The following C12orf76 variants were observed in gnomAD, a reference collection of about 807,000 sequenced individuals.
The protein encoded by C12orf76 is uncharacterized protein C12orf76.
C12orf76 carries 6 observed loss-of-function variants against 6.8 expected under a neutral mutation model. That is an observed-to-expected ratio of 0.88 (90% CI 0.48 to 1.73). The LOEUF is 1.73. C12orf76 is among the 40% of genes most tolerant of loss of function. C12orf76 has a pLI of 0.01. For missense variants in C12orf76, 99 were observed against 98.2 expected, an observed-to-expected ratio of 1.01 and a Z score of -0.03; for synonymous variants, 56 against 43.7, an observed-to-expected ratio of 1.28 and a Z score of -1.11.
At chr12:110,059,838 A>T (rs1248214864) in intron 2 of C12orf76, among the ~76,000 whole-genome samples, 1 of 152,180 alleles carries the variant, frequency 6.6e-6, no homozygotes, top group East Asian at 1.9e-4. Context: ...CCATTTGAAG[A>T]GGGACACAAG....
chr12:110,064,766 A>T (rs1892831107), intron 2 of C12orf76, among the ~76,000 whole-genome samples: 1 of 151,992 alleles, frequency 6.6e-6, no homozygotes, highest in Non-Finnish European at 1.5e-5. Flanking sequence ...GCCTGTGAAG[A>T]AGCCAGACAA....
At chr12:110,046,512 T>C (rs1471338959) in intron 1 of C12orf76, among the ~76,000 whole-genome samples, 2 of 152,240 alleles carry the variant, frequency 1.3e-5, no homozygotes. Context: ...GTTTTTATAA[T>C]TTCTAGTCTG....
chr12:110,047,949 CA>C (rs1892492866), intron 1 of C12orf76, among the ~76,000 whole-genome samples: 1 of 152,132 alleles, frequency 6.6e-6, no homozygotes, highest in African/African-American at 2.4e-5. Context: ...GCAGTTCATT[CA>C]TGGGCAAGCA....
chr12:110,071,464 G>C (rs1892959034), upstream of C12orf76, among the ~76,000 whole-genome samples: 1 of 151,726 alleles, frequency 6.6e-6, no homozygotes, highest in African/African-American at 2.4e-5. Flanking sequence ...TCCAGTTATG[G>C]AGCTCTTATT....
chr12:110,057,287 C>G (rs780020326), exon 4 of C12orf76: 2 of 1,611,144 alleles, frequency 1.2e-6, no homozygotes, highest in East Asian at 4.5e-5. Flanking sequence ...TCCTCTCCCC[C>G]TTACAGCTCC....
At chr12:110,066,677 A>T (rs553696871) in intron 1 of C12orf76, among the ~76,000 whole-genome samples, 2 of 150,294 alleles carry the variant, frequency 1.3e-5, no homozygotes, top group African/African-American at 4.8e-5. Flanking sequence ...AACAAGAGCA[A>T]AACTCTGTCT....
exon 1 of C12orf76, chr12:110,073,475 G>A (rs1291935076): frequency 1.9e-6 from 1 of 523,528 alleles, no homozygotes; most frequent in South Asian, 1.4e-5. Context: ...CATAATTGAT[G>A]CTTTGGATCC....
chr12:110,046,891 G>T (rs985102639), intron 1 of C12orf76, among the ~76,000 whole-genome samples: 4 of 152,076 alleles, frequency 2.6e-5, no homozygotes, highest in Non-Finnish European at 5.9e-5. Context: ...ACTTCTTACA[G>T]TGTTTATCAT....
exon 4 of C12orf76, chr12:110,057,197 T>G: frequency 1.2e-6 from 2 of 1,609,594 alleles, no homozygotes; most frequent in Non-Finnish European, 1.7e-6. Flanking sequence ...ACCTTGGCAT[T>G]GCAGGTAGGA....
intron 3 of C12orf76, among the ~76,000 whole-genome samples, chr12:110,058,227 G>T (rs1892707204): frequency 6.6e-6 from 1 of 152,084 alleles, no homozygotes. Flanking sequence ...CAGGCTGCAG[G>T]CTGTTTTGTA....
upstream of C12orf76, among the ~76,000 whole-genome samples, chr12:110,069,722 G>C (rs1183941641): frequency 6.6e-6 from 1 of 150,626 alleles, no homozygotes; most frequent in Admixed American, 6.6e-5. Flanking sequence ...AGAGAATGAT[G>C]GAGGGAACCC....
chr12:110,051,788 A>G (rs1892580295), upstream of C12orf76, among the ~76,000 whole-genome samples: 1 of 151,906 alleles, frequency 6.6e-6, no homozygotes, highest in Non-Finnish European at 1.5e-5. Context: ...TTCTCAAGTC[A>G]TAAAGTCCCA....
intron 3 of C12orf76, among the ~76,000 whole-genome samples, chr12:110,057,498 G>A (rs919501715): frequency 6.6e-6 from 1 of 152,118 alleles, no homozygotes; most frequent in African/African-American, 2.4e-5. Context: ...AAAATCCCAA[G>A]AGGAGAATCT....
chr12:110,062,711 C>A (rs1180375412), intron 2 of C12orf76, among the ~76,000 whole-genome samples: 1 of 151,188 alleles, frequency 6.6e-6, no homozygotes, highest in Non-Finnish European at 1.5e-5. Context: ...CCTCAACTTC[C>A]CAGGATCAAG....
chr12:110,061,181 G>A (rs1207141318), intron 2 of C12orf76, among the ~76,000 whole-genome samples: 1 of 150,834 alleles, frequency 6.6e-6, no homozygotes, highest in African/African-American at 2.4e-5. Context: ...TGAACACTTC[G>A]AACTCAATGC....
chr12:110,059,387 A>G (rs994680535), intron 2 of C12orf76, among the ~76,000 whole-genome samples: 3 of 152,192 alleles, frequency 2.0e-5, no homozygotes, highest in Non-Finnish European at 4.4e-5. Flanking sequence ...TGCTCTGGCT[A>G]GAACTTCCAG....
chr12:110,070,665 C>T (rs1428653127), upstream of C12orf76, among the ~76,000 whole-genome samples: 1 of 152,130 alleles, frequency 6.6e-6, no homozygotes, highest in Non-Finnish European at 1.5e-5. Flanking sequence ...ACATGTAATC[C>T]CTGTATTAAT....
At chr12:110,071,022 G>A (rs1892955340), upstream of C12orf76, among the ~76,000 whole-genome samples, 1 of 152,200 alleles carries the variant, frequency 6.6e-6, no homozygotes, top group South Asian at 2.1e-4. Context: ...TGATTTGCCT[G>A]CCTTGGCCTC....
At chr12:110,068,591 T>C (rs1235255317), upstream of C12orf76, among the ~76,000 whole-genome samples, 14 of 152,246 alleles carry the variant, frequency 9.2e-5, no homozygotes, top group Admixed American at 3.3e-4. Context: ...TAACTCCTCT[T>C]GTAGCTGCAT....
Sources: gnomAD v4.1 joint callset for allele counts (sites outside exome capture counted in the v4.1 genomes callset) on GRCh38, gnomAD v4.1.1 for gene constraint, MANE v1.5 for transcripts, NCBI Gene and HGNC (gene_info 2026-07-23, HGNC 2026-07-21) for gene names.